PTK2: variants seen among roughly 807,000 people sequenced by gnomAD.
The protein encoded by PTK2 is protein tyrosine kinase 2, also known as focal adhesion kinase 1.
In PTK2, 45 loss-of-function variants were observed where a neutral mutation model predicts 150.1. The observed-to-expected ratio is 0.30, with a 90% CI of 0.24 to 0.38. PTK2 has a LOEUF of 0.38. Ranked by LOEUF, PTK2 falls within the 10% of genes least tolerant of loss-of-function variation. The probability of loss-of-function intolerance (pLI) is 1.00; values close to 1 mark genes in which losing one functional copy is unlikely to be tolerated. For synonymous variants in PTK2, 432 were observed against 449.2 expected (o/e 0.96, Z 0.48); for missense variants, 919 against 1,307.3 (o/e 0.70, Z 4.58).
chr8:140,995,854 G>T (rs2100197520), intron 1 of PTK2, among the ~76,000 whole-genome samples: 1 of 152,150 alleles, frequency 6.6e-6, no homozygotes, highest in Admixed American at 6.5e-5. Context: ...CAGCCAAGTT[G>T]TGAATGCAAA....
At chr8:140,689,767 C>T (rs1437450082) in intron 26 of PTK2, among the ~76,000 whole-genome samples, 1 of 152,136 alleles carries the variant, frequency 6.6e-6, no homozygotes, top group Non-Finnish European at 1.5e-5. Context: ...CATGGGAATT[C>T]TTTGTACCAT....
chr8:140,984,586 C>A (rs573479110), intron 1 of PTK2, among the ~76,000 whole-genome samples: 1 of 152,168 alleles, frequency 6.6e-6, no homozygotes. Context: ...GAGGTAGTTT[C>A]TCCAATTCAA....
intron 2 of PTK2, among the ~76,000 whole-genome samples, chr8:140,891,057 AC>A (rs1005536682): frequency 3.3e-4 from 21 of 63,740 alleles, no homozygotes; most frequent in African/African-American, 1.2e-3. Context: ...TAATACCCCC[AC>A]CCCCACCCCT....
intron 1 of PTK2, among the ~76,000 whole-genome samples, chr8:140,958,042 C>A (rs752116132): frequency 5.3e-5 from 8 of 152,208 alleles, no homozygotes; most frequent in Non-Finnish European, 1.0e-4. Context: ...GAGTTAACTA[C>A]CTTTTTCTTG....
intron 1 of PTK2, among the ~76,000 whole-genome samples, chr8:140,957,171 C>T (rs2100181490): frequency 6.6e-6 from 1 of 152,144 alleles, no homozygotes; most frequent in African/African-American, 2.4e-5. Flanking sequence ...CAGTGCCTCG[C>T]TTCTATCATC....
At chr8:140,958,639 G>GT (rs1665271698) in intron 1 of PTK2, among the ~76,000 whole-genome samples, 1 of 152,186 alleles carries the variant, frequency 6.6e-6, no homozygotes, top group African/African-American at 2.4e-5. Flanking sequence ...ACACTGAGAC[G>GT]TAAGTGTAAA....
chr8:140,768,542 C>A (rs1342025648), intron 14 of PTK2, among the ~76,000 whole-genome samples: 1 of 152,146 alleles, frequency 6.6e-6, no homozygotes, highest in Non-Finnish European at 1.5e-5. Context: ...GGAAAAAGGG[C>A]AAGGCTGGAG....
chr8:140,691,799 T>C (rs553868365), intron 26 of PTK2, among the ~76,000 whole-genome samples: 19 of 152,332 alleles, frequency 1.2e-4, no homozygotes, highest in Non-Finnish European at 1.8e-4. Flanking sequence ...ATTGTGCACA[T>C]AGATGTGTAG....
chr8:140,998,680 G>T (rs558635453), intron 1 of PTK2, among the ~76,000 whole-genome samples: 1 of 151,926 alleles, frequency 6.6e-6, no homozygotes, highest in Admixed American at 6.6e-5. Flanking sequence ...TTAGCCGGGC[G>T]TGGTGGCGGG....
intron 14 of PTK2, among the ~76,000 whole-genome samples, chr8:140,776,045 T>C (rs1043956252): frequency 6.6e-6 from 1 of 152,312 alleles, no homozygotes; most frequent in African/African-American, 2.4e-5. Context: ...GCTGTGTCCA[T>C]CCAGGCTGGA....
At chr8:140,808,237 G>A (rs959095410) in intron 10 of PTK2, among the ~76,000 whole-genome samples, 4 of 151,966 alleles carry the variant, frequency 2.6e-5, no homozygotes, top group African/African-American at 9.7e-5. Context: ...GAATTACCAT[G>A]AACAGGTAAG....
intron 1 of PTK2, among the ~76,000 whole-genome samples, chr8:140,945,045 G>A (rs1282557563): frequency 6.6e-6 from 1 of 152,090 alleles, no homozygotes; most frequent in Non-Finnish European, 1.5e-5. Flanking sequence ...GCCAAACACG[G>A]AGCAGCTTCT....
At chr8:140,835,272 G>A (rs2100118032) in intron 7 of PTK2, among the ~76,000 whole-genome samples, 1 of 152,146 alleles carries the variant, frequency 6.6e-6, no homozygotes, top group African/African-American at 2.4e-5. Context: ...TTTAAGTCAA[G>A]GATAAATTTA....
At chr8:140,714,462 A>G (rs1467845112) in intron 23 of PTK2, among the ~76,000 whole-genome samples, 5 of 151,804 alleles carry the variant, frequency 3.3e-5, no homozygotes, top group African/African-American at 4.8e-5. Flanking sequence ...ATTTAAAAAA[A>G]AAAGAAAGAA....
At chr8:140,658,856 T>G (rs1447617112) in exon 32 of PTK2, 1 of 226,340 alleles carries the variant, frequency 4.4e-6, no homozygotes, top group East Asian at 6.4e-5. Flanking sequence ...GCTTCACATA[T>G]CCACACGAAA....
chr8:140,854,389 GCCA>G (rs2100131244), intron 5 of PTK2, among the ~76,000 whole-genome samples: 1 of 152,112 alleles, frequency 6.6e-6, no homozygotes, highest in Admixed American at 6.5e-5. Context: ...CAAACTAACA[GCCA>G]CCATCATTTG....
exon 17 of PTK2, chr8:140,752,272 A>G (rs766381564): frequency 6.2e-7 from 1 of 1,614,128 alleles, no homozygotes; most frequent in South Asian, 1.1e-5. Context: ...TGTCCGAAGT[A>G]CAGTTTTTAC....
In PTK2 at chr8:140,954,037, G is replaced by A. The variant is rs140794486; in HGVS notation, c.-121-28288C>T. ...GGCTGGAGTGCAGTGGCACGATCTC[G>A]GCTCACTGTAACCTCCACCTCCTCC... On this transcript the variant is annotated intron_variant, in intron 1 of 31. Coordinates refer to ENST00000522684, the Ensembl canonical transcript of PTK2. 7.4e-3 allele frequency among the ~76,000 whole-genome samples: 1,117 copies of A among 151,362 alleles called. 12 individuals are homozygous for A. Among genetic ancestry groups the A allele is most frequent in the African/African-American group, 0.025 (1,032 of 41,162 alleles).
chr8:140,789,597 TG>T, intron 13 of PTK2, 71 bp from the exon 14 acceptor site: 1 of 1,489,840 alleles, frequency 6.7e-7, no homozygotes, highest in Non-Finnish European at 9.2e-7. Flanking sequence ...CCTCATCAAG[TG>T]GGGAACTGCC....
Sources: gnomAD v4.1 joint callset for allele counts (sites outside exome capture counted in the v4.1 genomes callset) on GRCh38, gnomAD v4.1.1 for gene constraint, MANE v1.5 for transcripts, NCBI Gene and HGNC (gene_info 2026-07-23, HGNC 2026-07-21) for gene names.